PRKG1: variants seen among roughly 807,000 people sequenced by gnomAD.
PRKG1 encodes the protein protein kinase cGMP-dependent 1, also known as cGMP-dependent protein kinase 1.
A neutral mutation model predicts 88.1 loss-of-function variants in PRKG1; 35 were observed. The observed-to-expected ratio is 0.40, with a 90% confidence interval of 0.30 to 0.53. The LOEUF is 0.53. PRKG1 is among the 20% of genes least tolerant of loss of function. The pLI, the probability that PRKG1 is intolerant of heterozygous loss-of-function variation, is 0.59. For synonymous variants in PRKG1, 303 were observed against 292.5 expected (o/e 1.04, Z -0.37); for missense variants, 540 against 839.8 (o/e 0.64, Z 4.41).
intron 4 of PRKG1, among the ~76,000 whole-genome samples, chr10:51,883,760 G>A (rs1218790027): frequency 6.6e-6 from 1 of 152,168 alleles, no homozygotes. Context: ...GGAATTGGTT[G>A]AGATAATAAA....
intron 4 of PRKG1, among the ~76,000 whole-genome samples, chr10:51,843,170 C>T (rs1840322428): frequency 7.0e-6 from 1 of 142,148 alleles, no homozygotes; most frequent in South Asian, 2.2e-4. Context: ...AATCTTGGCT[C>T]ACTGCAACCT....
At chr10:51,519,896 C>T (rs968632719) in intron 3 of PRKG1, among the ~76,000 whole-genome samples, 1 of 152,142 alleles carries the variant, frequency 6.6e-6, no homozygotes, top group African/African-American at 2.4e-5. Flanking sequence ...AATCTTATCT[C>T]AGAAAGAAAC....
At chr10:52,073,344 AAT>A (rs1846550088) in intron 7 of PRKG1, among the ~76,000 whole-genome samples, 1 of 152,166 alleles carries the variant, frequency 6.6e-6, no homozygotes, top group African/African-American at 2.4e-5. Flanking sequence ...GGAGGGCACA[AAT>A]CAACTCACTA....
At chr10:51,400,018 G>A (rs975132585) in intron 2 of PRKG1, among the ~76,000 whole-genome samples, 6 of 152,124 alleles carry the variant, frequency 3.9e-5, no homozygotes, top group Admixed American at 2.0e-4. Context: ...ATTGGCAATT[G>A]TGTTACGTAA....
At chr10:52,289,890 A>G (rs1842201602) in intron 16 of PRKG1, among the ~76,000 whole-genome samples, 3 of 152,140 alleles carry the variant, frequency 2.0e-5, no homozygotes, top group Admixed American at 2.0e-4. Context: ...CCTTAAAATA[A>G]AATATCCTGT....
At chr10:52,270,074 T>G (rs1449431646) in intron 10 of PRKG1, among the ~76,000 whole-genome samples, 2 of 152,052 alleles carry the variant, frequency 1.3e-5, no homozygotes, top group Non-Finnish European at 2.9e-5. Flanking sequence ...TTGTTACAAT[T>G]TTTTTTCTCT....
At chr10:51,535,114 A>C (rs770979052) in intron 3 of PRKG1, among the ~76,000 whole-genome samples, 29 of 152,184 alleles carry the variant, frequency 1.9e-4, no homozygotes, top group Non-Finnish European at 3.8e-4. Flanking sequence ...GTGTATAGTC[A>C]ATCTATTTTA....
intron 9 of PRKG1, among the ~76,000 whole-genome samples, chr10:52,174,736 G>A (rs775819873): frequency 5.3e-5 from 8 of 151,752 alleles, no homozygotes; most frequent in South Asian, 2.1e-4. Context: ...TATTCCCAGC[G>A]ACATGTATTT....
chr10:51,694,396 T>A (rs531984268), intron 3 of PRKG1, among the ~76,000 whole-genome samples: 1 of 152,364 alleles, frequency 6.6e-6, no homozygotes, highest in East Asian at 1.9e-4. Context: ...ATTAAAATTC[T>A]GAAAAGTGTA....
At chr10:51,960,960 G>A (rs1174740062) in intron 5 of PRKG1, among the ~76,000 whole-genome samples, 1 of 152,134 alleles carries the variant, frequency 6.6e-6, no homozygotes, top group Non-Finnish European at 1.5e-5. Context: ...ACAGCAAGTT[G>A]AAGTATTGAG....
chr10:51,716,326 T>A (rs1215808906), intron 3 of PRKG1, among the ~76,000 whole-genome samples: 1 of 152,188 alleles, frequency 6.6e-6, no homozygotes, highest in Non-Finnish European at 1.5e-5. Flanking sequence ...TATTTGAGTG[T>A]CTTCATCTAG....
At chr10:51,103,626 G>C (rs1844741228) in intron 1 of PRKG1, among the ~76,000 whole-genome samples, 2 of 152,098 alleles carry the variant, frequency 1.3e-5, no homozygotes, top group South Asian at 4.1e-4. Context: ...GAGGGAGGAG[G>C]GGGTCAAGAA....
chr10:51,609,108 C>CT (rs1838838768), intron 3 of PRKG1, among the ~76,000 whole-genome samples: 1 of 151,228 alleles, frequency 6.6e-6, no homozygotes, highest in African/African-American at 2.4e-5. Context: ...TATTATTATA[C>CT]TTTAAGTTTT....
intron 10 of PRKG1, among the ~76,000 whole-genome samples, chr10:52,264,903 A>C (rs1471709895): frequency 6.6e-6 from 1 of 152,092 alleles, no homozygotes; most frequent in Non-Finnish European, 1.5e-5. Context: ...ATGTAAAGTC[A>C]AGGTCATACT....
chr10:51,379,729 A>G (rs1040758826), intron 2 of PRKG1, among the ~76,000 whole-genome samples: 2 of 152,208 alleles, frequency 1.3e-5, no homozygotes, highest in Non-Finnish European at 2.9e-5. Flanking sequence ...ATTTAACTGA[A>G]GAGTTGAGAG....
intron 3 of PRKG1, among the ~76,000 whole-genome samples, chr10:51,532,661 A>C (rs1012461045): frequency 3.9e-5 from 6 of 152,224 alleles, no homozygotes; most frequent in African/African-American, 1.4e-4. Context: ...GTGGCTTCAC[A>C]GAAGTAGCAT....
chr10:51,700,058 A>G (rs1234227248), intron 3 of PRKG1, among the ~76,000 whole-genome samples: 4 of 152,392 alleles, frequency 2.6e-5, no homozygotes, highest in Non-Finnish European at 2.9e-5. Context: ...TAGATTTAAA[A>G]TCACATTCCA....
At chr10:52,234,352 C>T (rs902788534) in intron 9 of PRKG1, among the ~76,000 whole-genome samples, 4 of 152,098 alleles carry the variant, frequency 2.6e-5, no homozygotes, top group Admixed American at 6.5e-5. Context: ...AGGCTTCAGA[C>T]GATCAAATTA....
chr10:51,297,447 G>T (rs114750611), intron 2 of PRKG1, among the ~76,000 whole-genome samples: 2 of 152,038 alleles, frequency 1.3e-5, no homozygotes, highest in Non-Finnish European at 2.9e-5. Context: ...CTTTTAAAAC[G>T]TGAATTCTTG....
Sources: gnomAD v4.1 joint callset for allele counts (sites outside exome capture counted in the v4.1 genomes callset) on GRCh38, gnomAD v4.1.1 for gene constraint, MANE v1.5 for transcripts, NCBI Gene and HGNC (gene_info 2026-07-23, HGNC 2026-07-21) for gene names.